Variants in ACOT11 observed in about 807,000 individuals in gnomAD.
The protein encoded by ACOT11 is acyl-coenzyme A thioesterase 11.
In ACOT11, 69 loss-of-function variants were observed where a neutral mutation model predicts 77.5. That is an observed-to-expected ratio of 0.89 (90% CI 0.73 to 1.09). The LOEUF (loss-of-function observed/expected upper bound fraction) is 1.09, where lower values mean the gene tolerates loss of function less well. Ranked by LOEUF, ACOT11 falls within the 50% of genes least tolerant of loss-of-function variation. The pLI, the probability that ACOT11 is intolerant of heterozygous loss-of-function variation, is 0.00. For missense variants in ACOT11, 766 were observed against 813.7 expected, an observed-to-expected ratio of 0.94 and a Z score of 0.71; for synonymous variants, 279 against 313.0, an observed-to-expected ratio of 0.89 and a Z score of 1.15.
chr1:54,584,821 G>A lies in ACOT11; in HGVS notation c.200G>A (p.Gly67Glu). 6.2e-7 allele frequency: 1 copy of A among 1,614,034 alleles called. No homozygotes were observed. Among genetic ancestry groups the A allele is most frequent in the Non-Finnish European group, 8.5e-7 (1 of 1,180,024 alleles). ...AACCAACGTGGTGAGCTGAGCGTCG[G>A]GCAGCTGCTCAAGTGGATTGACACC... ...HTNQRGELSV[G>E]QLLKWIDTTA... Residue 67 changes from glycine to glutamate, a missense_variant, in exon 2 of 16, where the codon GGG (glycine) becomes GAG (glutamate). Gly to Glu is a moderately conservative substitution (Grantham distance 98, BLOSUM62 -2). Coordinates refer to ENST00000343744, the MANE Select transcript of ACOT11 (RefSeq NM_147161.4). This position sits in a 1 kb window ranked among gnomAD's most constrained non-coding sequence, Gnocchi z 6.3.
At chr1:54,633,299 C>T (rs901952635) in intron 16 of ACOT11, among the ~76,000 whole-genome samples, 2 of 152,164 alleles carry the variant, frequency 1.3e-5, no homozygotes, top group Non-Finnish European at 2.9e-5. Context: ...ATAACTCCAA[C>T]ATTTTCTCCT....
At chr1:54,562,222 A>AC (rs1306665991) in intron 1 of ACOT11, among the ~76,000 whole-genome samples, 3 of 54,120 alleles carry the variant, frequency 5.5e-5, no homozygotes, top group South Asian at 8.3e-4. Context: ...CGGAGGGCTG[A>AC]CCCCCCCACC....
chr1:54,559,381 C>T (rs1371466503), intron 1 of ACOT11, among the ~76,000 whole-genome samples: 2 of 152,214 alleles, frequency 1.3e-5, no homozygotes, highest in Non-Finnish European at 2.9e-5. Flanking sequence ...GCCAAGCTGG[C>T]ATCCCGGGAG....
chr1:54,611,067 GTGAC>G (rs1403962421), downstream of ACOT11: 2 of 955,078 alleles, frequency 2.1e-6, no homozygotes, highest in East Asian at 2.3e-4. Flanking sequence ...TAAAAGCTGA[GTGAC>G]TGTATAAATT....
At chr1:54,561,075 A>ATTTTTTATT (rs1174854681) in intron 1 of ACOT11, among the ~76,000 whole-genome samples, 7 of 69,850 alleles carry the variant, frequency 1.0e-4, no homozygotes, top group Non-Finnish European at 1.7e-4. Context: ...TGCTTGGCTG[A>ATTTTTTATT]TTTTTTATTT....
chr1:54,614,165 TTCTC>T (rs1329748417), downstream of ACOT11, among the ~76,000 whole-genome samples: 3 of 152,180 alleles, frequency 2.0e-5, no homozygotes, highest in Non-Finnish European at 4.4e-5. Flanking sequence ...ATCAAAGACA[TTCTC>T]TCTCTTTGTA....
intron 15 of ACOT11, among the ~76,000 whole-genome samples, chr1:54,628,593 G>GC (rs61261431): frequency 0.069 from 4,878 of 70,216 alleles, 603 homozygotes; most frequent in East Asian, 0.19. Flanking sequence ...AGACCCCATC[G>GC]CCCCCCCCCC....
chr1:54,633,803 G>A (rs1272077549), intron 16 of ACOT11, among the ~76,000 whole-genome samples: 1 of 152,216 alleles, frequency 6.6e-6, no homozygotes, highest in Non-Finnish European at 1.5e-5. Context: ...TATCCTTGGA[G>A]GAAATCCTAG....
Position 54,616,181 on chromosome 1 carries a change from G to A in ACOT11, c.1629+8113G>A, listed in dbSNP as rs751721796. 1.1e-5 allele frequency: 18 copies of A among 1,610,898 alleles called. No individual in the cohort carries two copies. The African/African-American group carries it at 1.7e-4, about 16-fold the overall frequency. On this transcript the variant is annotated intron_variant, in intron 15 of 16. Transcript: ENST00000371316. The stretch of plus-strand genomic sequence containing the variant: ...CAGGACTGTGATGTTGCCTGTGGAA[G>A]GGGCAACAACTCAGTGAGTTCCTTT...
chr1:54,572,102 C>G (rs769130177), intron 1 of ACOT11, among the ~76,000 whole-genome samples: 1 of 151,828 alleles, frequency 6.6e-6, no homozygotes, highest in Non-Finnish European at 1.5e-5. Context: ...CCTTCCTGCT[C>G]GCCTCTCTTC....
chr1:54,604,211 C>T (rs1411641540), intron 11 of ACOT11, 135 bp from the exon 12 acceptor site: 8 of 777,016 alleles, frequency 1.0e-5, no homozygotes, highest in African/African-American at 6.9e-5. Context: ...ACTCTTTCCA[C>T]AGCACCTGCC....
intron 9 of ACOT11, among the ~76,000 whole-genome samples, chr1:54,601,778 A>G (rs1258432093): frequency 6.6e-6 from 1 of 152,200 alleles, no homozygotes; most frequent in African/African-American, 2.4e-5. Flanking sequence ...TCCATTTGTA[A>G]AATGGGTGTA....
chr1:54,630,886 G>A, exon 16 of ACOT11: 1 of 734,422 alleles, frequency 1.4e-6, no homozygotes, highest in Middle Eastern at 3.6e-4. Context: ...CAATCCCCGT[G>A]GTGAGTAAGA....
intron 1 of ACOT11, among the ~76,000 whole-genome samples, chr1:54,552,930 C>G (rs182332834): frequency 1.3e-5 from 2 of 150,638 alleles, no homozygotes; most frequent in Non-Finnish European, 3.0e-5. Context: ...CAGGTTCAAG[C>G]GATTCTCCTG....
chr1:54,573,458 C>T (rs180732506), intron 1 of ACOT11, among the ~76,000 whole-genome samples: 144 of 152,364 alleles, frequency 9.5e-4, no homozygotes, highest in Non-Finnish European at 1.8e-3. Context: ...ACAGGCTGGG[C>T]ACAGTGGCTC....
intron 15 of ACOT11, among the ~76,000 whole-genome samples, chr1:54,619,376 C>T (rs929808138): frequency 6.6e-6 from 1 of 152,190 alleles, no homozygotes; most frequent in African/African-American, 2.4e-5. Context: ...TGCTTTCAGA[C>T]AGTGTAACCT....
At chr1:54,637,972 A>G (rs1242289159) in exon 17 of ACOT11, 1 of 152,098 alleles carries the variant, frequency 6.6e-6, no homozygotes, top group Non-Finnish European at 1.5e-5. Context: ...AAAGTAAAAG[A>G]TCTTATTTTT....
downstream of ACOT11, chr1:54,610,696 T>C: frequency 2.8e-6 from 4 of 1,419,860 alleles, no homozygotes; most frequent in Non-Finnish European, 2.8e-6. Context: ...CTCATTTCCT[T>C]GCCTTGTAGA....
chr1:54,601,139 ACG>A (rs1643957545), intron 8 of ACOT11, 128 bp from the exon 9 acceptor site: 3 of 913,752 alleles, frequency 3.3e-6, no homozygotes, highest in African/African-American at 2.1e-5. Context: ...GTGTGTGCAT[ACG>A]TGTGTGTGTG....
Sources: allele counts gnomAD v4.1 joint callset (sites outside exome capture counted in the v4.1 genomes callset), GRCh38; gene constraint gnomAD v4.1.1; non-coding constraint Gnocchi (gnomAD v3.1); transcripts MANE v1.5; gene names NCBI Gene and HGNC (gene_info 2026-07-23, HGNC 2026-07-21).